The following C1orf159 variants were observed in gnomAD, a reference collection of about 807,000 sequenced individuals.
C1orf159 encodes uncharacterized protein C1orf159.
In C1orf159, 19 loss-of-function variants were observed where a neutral mutation model predicts 25.6. The observed-to-expected ratio is 0.74, with a 90% CI of 0.52 to 1.09. C1orf159 has a LOEUF of 1.09. C1orf159 is among the 50% of genes least tolerant of loss of function. C1orf159 has a pLI of 0.00. For synonymous variants in C1orf159, 139 were observed against 124.7 expected, an observed-to-expected ratio of 1.12 and a Z score of -0.77; for missense variants, 274 against 290.6, an observed-to-expected ratio of 0.94 and a Z score of 0.42.
chr1:1,109,260 T>C (rs946692046), intron 1 of C1orf159, among the ~76,000 whole-genome samples: 2 of 152,236 alleles, frequency 1.3e-5, no homozygotes, highest in Non-Finnish European at 2.9e-5. Context: ...CTATGCTAAG[T>C]GAAAGCAGCT....
At chr1:1,111,794 C>T (rs529800248) in intron 1 of C1orf159, among the ~76,000 whole-genome samples, 1 of 152,312 alleles carries the variant, frequency 6.6e-6, no homozygotes, top group Non-Finnish European at 1.5e-5. Context: ...GGAGCTTCCA[C>T]TGCATCCGTG....
chr1:1,084,085 G>A (rs369711809), intron 9 of C1orf159: 63 of 1,603,796 alleles, frequency 3.9e-5, no homozygotes, highest in Non-Finnish European at 4.7e-5. Flanking sequence ...CAGACCCCAC[G>A]TCTCGGGAAC....
intron 7 of C1orf159, 61 bp from the exon 8 acceptor site, chr1:1,084,567 G>T: frequency 6.5e-7 from 1 of 1,544,666 alleles, no homozygotes; most frequent in Admixed American, 2.0e-5. Context: ...CCTCAGCCCA[G>T]TGCAGCGTCC....
chr1:1,086,600 C>T (rs745399289), intron 6 of C1orf159, among the ~76,000 whole-genome samples: 3 of 152,240 alleles, frequency 2.0e-5, no homozygotes, highest in Non-Finnish European at 4.4e-5. Flanking sequence ...GGGGGCCTCG[C>T]TCCTTCCTGC....
At position 1,110,665 on chromosome 1, in the gene C1orf159, C is replaced by A. The variant is rs528195897; in HGVS notation, c.-136+5395G>T. 6.6e-6 allele frequency among the ~76,000 whole-genome samples: 1 copy of A among 151,688 alleles called. No homozygotes were observed. The highest frequency in any genetic ancestry group is 1.5e-5 in the Non-Finnish European group (1 of 68,032). ...CACACCTGGGATGCAGCCTTCCCCCCGGGCACGTTCCCAAGAGAAACAACA... is the reference window on the plus strand; with the variant it reads ...CACACCTGGGATGCAGCCTTCCCCCAGGGCACGTTCCCAAGAGAAACAACA... On this transcript the variant is annotated intron_variant, in intron 1 of 9. Transcript: ENST00000421241. The surrounding 1 kb of genome is among the most constrained non-coding windows in gnomAD (Gnocchi z 4.8).
rs1646248307 is a variant in C1orf159, at chr1:1,110,873, C to T, written c.-136+5187G>A. 6.6e-6 allele frequency among the ~76,000 whole-genome samples: 1 copy of T among 152,246 alleles called. No individual in the cohort carries two copies. The highest frequency in any genetic ancestry group is 1.5e-5 in the Non-Finnish European group (1 of 68,044). On this transcript the variant is annotated intron_variant, in intron 1 of 9. Coordinates refer to ENST00000421241, the MANE Select transcript of C1orf159 (RefSeq NM_017891.5). This position sits in a 1 kb window ranked among gnomAD's most constrained non-coding sequence, Gnocchi z 4.8. The stretch of plus-strand genomic sequence containing the variant: ...GCCGTGGCAGACGCAAAACCGCCCG[C>T]ACGTGTGACTCCTAACACTCAGAGT...
chr1:1,103,993 C>CTT (rs34796184), intron 1 of C1orf159, among the ~76,000 whole-genome samples: 100 of 149,430 alleles, frequency 6.7e-4, no homozygotes, highest in African/African-American at 2.2e-3. Flanking sequence ...AGAATTTTTA[C>CTT]TTTTTTTTTT....
chr1:1,081,873 C>T lies in C1orf159; in HGVS notation c.*1020G>A, dbSNP rs985202641. ...CACACCCAGTGCCCCCACGTTCCCG[C>T]TGGCCCAGGTCCCGGAGACCATGAT... is the stretch of plus-strand genomic sequence containing the variant. On this transcript the variant is annotated 3_prime_UTR_variant, in exon 10 of 10. Transcript: ENST00000421241. The surrounding 1 kb of genome is among the most constrained non-coding windows in gnomAD (Gnocchi z 7.1). 6.6e-6 allele frequency: 1 copy of T among 152,384 alleles called. No homozygotes were observed. The highest frequency in any genetic ancestry group is 2.4e-5 in the African/African-American group (1 of 41,486). 9.4% of individuals were successfully genotyped at this position (152,384 alleles called of 1,614,324 possible).
chr1:1,095,965 G>A (rs1646004023), intron 1 of C1orf159, among the ~76,000 whole-genome samples: 1 of 152,072 alleles, frequency 6.6e-6, no homozygotes, highest in African/African-American at 2.4e-5. Flanking sequence ...GTAATATGGT[G>A]ACGACAAAGA....
chr1:1,111,267 C>T (rs530658752), intron 1 of C1orf159, among the ~76,000 whole-genome samples: 1 of 151,802 alleles, frequency 6.6e-6, no homozygotes, highest in East Asian at 1.9e-4. Context: ...GAGGCTCAGG[C>T]CTGCAATCCC....
intron 3 of C1orf159, 45 bp downstream of exon 3, chr1:1,091,427 G>A (rs1275118752): frequency 2.1e-5 from 32 of 1,514,160 alleles, no homozygotes; most frequent in Non-Finnish European, 2.9e-5. Context: ...GCCCTCCACA[G>A]AGGCTCTGGC....
Position 1,090,237 on chromosome 1 carries a change from C to G in C1orf159, c.148+116G>C, listed in dbSNP as rs560935181. ...CAGCCCTCACTGCCCCATCCACTCC[C>G]CAGGTCCCGCAGCACAGATGAGCAC... is the stretch of plus-strand genomic sequence containing the variant. On this transcript the variant is annotated intron_variant, in intron 4 of 9. Coordinates refer to ENST00000421241, the MANE Select transcript of C1orf159 (RefSeq NM_017891.5). 1.5e-4 allele frequency: 160 copies of G among 1,076,184 alleles called. No homozygotes were observed. The Middle Eastern group carries it at 2.2e-3, about 15-fold the overall frequency. 66.7% of individuals were successfully genotyped at this position (1,076,184 alleles called of 1,614,324 possible). A position where few individuals can be genotyped will look rare whatever the true frequency, so the allele number is the denominator to read the frequency against.
intron 3 of C1orf159, chr1:1,091,209 CCA>C: frequency 4.9e-6 from 3 of 614,400 alleles, no homozygotes; most frequent in Non-Finnish European, 8.7e-6. Context: ...AGAGGTGCTC[CCA>C]TTGCGGGCCA....
chr1:1,110,417 C>CA lies in C1orf159; in HGVS notation c.-136+5642dup, dbSNP rs1646241234. On this transcript the variant is annotated intron_variant, in intron 1 of 9. Transcript: ENST00000421241. This position sits in a 1 kb window ranked among gnomAD's most constrained non-coding sequence, Gnocchi z 4.8. ...AGATAGTCACAGTACACGTACCAGA[C>CA]AAAAGCCCTGAATATGGAATATATA... Among the ~76,000 whole-genome samples, 1 of 152,076 alleles carries CA rather than the reference C, an allele frequency of 6.6e-6. No individual in the cohort carries two copies. The highest frequency in any genetic ancestry group is 2.4e-5 in the African/African-American group (1 of 41,386).
intron 7 of C1orf159, 114 bp from the exon 8 acceptor site, chr1:1,084,620 G>A (rs917936001): frequency 2.0e-5 from 28 of 1,367,520 alleles, no homozygotes; most frequent in Admixed American, 1.3e-4. Flanking sequence ...AGCCCAGTGC[G>A]GCGTCCTCGG....
At chr1:1,100,515 C>A (rs921425896) in intron 1 of C1orf159, among the ~76,000 whole-genome samples, 1 of 152,120 alleles carries the variant, frequency 6.6e-6, no homozygotes, top group African/African-American at 2.4e-5. Context: ...ACTCAAAGTC[C>A]ATGGTTGACA....
chr1:1,104,989 G>C (rs144979355), intron 1 of C1orf159, among the ~76,000 whole-genome samples: 43 of 152,230 alleles, frequency 2.8e-4, no homozygotes, highest in African/African-American at 1.0e-3. Context: ...CCACGCGAAG[G>C]GATTTATACA....
At chr1:1,108,847 G>A (rs1180474150) in intron 1 of C1orf159, among the ~76,000 whole-genome samples, 65 of 77,792 alleles carry the variant, frequency 8.4e-4, no homozygotes, top group African/African-American at 1.6e-3. Flanking sequence ...ACCATGTCTC[G>A]GCACCATCCA....
At chr1:1,091,606 G>A (rs760484235) in intron 2 of C1orf159, 41 bp from the exon 3 acceptor site, 7 of 1,429,928 alleles carry the variant, frequency 4.9e-6, no homozygotes, top group South Asian at 1.2e-5. Flanking sequence ...GAGATGGAGT[G>A]GGGCTGAGGC....
Sources: allele counts gnomAD v4.1 joint callset (sites outside exome capture counted in the v4.1 genomes callset), GRCh38; gene constraint gnomAD v4.1.1; non-coding constraint Gnocchi (gnomAD v3.1); transcripts MANE v1.5; gene names NCBI Gene and HGNC (gene_info 2026-07-23, HGNC 2026-07-21).